UBA2: variants seen among roughly 807,000 people sequenced by gnomAD.
UBA2 encodes SUMO-activating enzyme subunit 2.
In UBA2, 11 loss-of-function variants were observed where a neutral mutation model predicts 77.2. That is an observed-to-expected ratio of 0.14 (90% CI 0.09 to 0.24). The LOEUF is 0.24. Ranked by LOEUF, UBA2 falls within the 10% of genes least tolerant of loss-of-function variation. The probability of loss-of-function intolerance (pLI) is 1.00; values close to 1 mark genes in which losing one functional copy is unlikely to be tolerated. For synonymous variants in UBA2, 278 were observed against 276.7 expected, an observed-to-expected ratio of 1.00 and a Z score of -0.05; for missense variants, 487 against 781.7, an observed-to-expected ratio of 0.62 and a Z score of 4.50.
chr19:34,449,620 C>T (rs1348452303), intron 8 of UBA2, among the ~76,000 whole-genome samples: 1 of 152,078 alleles, frequency 6.6e-6, no homozygotes, highest in Non-Finnish European at 1.5e-5. Context: ...ATATTAAAAT[C>T]ACTTGAAGTT....
At chr19:34,434,528 A>G (rs2075289423) in intron 4 of UBA2, among the ~76,000 whole-genome samples, 1 of 152,206 alleles carries the variant, frequency 6.6e-6, no homozygotes. Flanking sequence ...ATTATCTGCT[A>G]GTTATATTAG....
Position 34,457,166 on chromosome 19 carries a change from T to TAAAAA in UBA2, c.1246-1593_1246-1589dup, listed in dbSNP as rs569078000. On this transcript the variant is annotated intron_variant, in intron 12 of 16. Transcript: ENST00000246548. ...TAACGTGGAGAAACCTGGTCTCTACTAAAAAAAAAAAAAATATATATATAT... is the reference window on the plus strand; with the variant it reads ...TAACGTGGAGAAACCTGGTCTCTACTAAAAAAAAAAAAAAAAAAATATATATATAT... Among the ~76,000 whole-genome samples, 199 of 51,024 alleles carry TAAAAA rather than the reference T, an allele frequency of 3.9e-3. 2 individuals carry two copies. Among genetic ancestry groups the TAAAAA allele is most frequent in the South Asian group, 8.5e-3 (7 of 822 alleles). The allele number at this position is 51,024 out of a possible 152,430, so 33.5% of individuals were successfully genotyped here.
At chr19:34,454,620 T>A in intron 12 of UBA2, 64 bp downstream of exon 12, 1 of 776,920 alleles carries the variant, frequency 1.3e-6, no homozygotes, top group Non-Finnish European at 2.0e-6. Context: ...TAAAAGTACA[T>A]TAAACAGATA....
intron 7 of UBA2, 31 bp from the exon 8 acceptor site, chr19:34,444,969 G>A (rs1415751018): frequency 6.9e-6 from 11 of 1,598,210 alleles, no homozygotes; most frequent in Admixed American, 3.6e-5. Flanking sequence ...CATTTATTAC[G>A]GTTGAAAATA....
chr19:34,443,033 AAG>A (rs1430660141), intron 6 of UBA2, among the ~76,000 whole-genome samples: 2 of 152,230 alleles, frequency 1.3e-5, no homozygotes, highest in East Asian at 1.9e-4. Flanking sequence ...TTATTAATAA[AAG>A]AGAATCTCAG....
chr19:34,438,680 G>A lies in UBA2; in HGVS notation c.495G>A (p.Pro165=), dbSNP rs772883163. ...AGTGTTATGAGTGTCATCCTAAGCC[G>A]ACCCAGAGAACCTTTCCTGGCTGTA... ...VTECYECHPK[P]TQRTFPGCTI... Residue 165 remains proline (P), a synonymous_variant, in exon 6 of 17, where the codon CCG becomes CCA. Coordinates refer to ENST00000246548, the MANE Select transcript of UBA2 (RefSeq NM_005499.3). 8.7e-6 allele frequency: 14 copies of A among 1,614,044 alleles called. No individual in the cohort carries two copies. The highest frequency in any genetic ancestry group is 6.7e-5 in the East Asian group (3 of 44,880).
chr19:34,451,541 T>G lies in UBA2; in HGVS notation c.872-440T>G, dbSNP rs866782586. Among the ~76,000 whole-genome samples, 140 of 118,464 alleles carry G rather than the reference T, an allele frequency of 1.2e-3. 1 individual carries two copies. The highest frequency in any genetic ancestry group is 0.011 in the Middle Eastern group (3 of 266). 77.7% of individuals were successfully genotyped at this position (118,464 alleles called of 152,430 possible). A position where few individuals can be genotyped will look rare whatever the true frequency, so the allele number is the denominator to read the frequency against. On this transcript the variant is annotated intron_variant, in intron 9 of 16. Transcript: ENST00000246548. ...TTCCTATCTCAGGTTTAACAGTTTT[T>G]TTTTTTTTTTTTTTTTTTTTTTTTG...
chr19:34,456,100 C>CTTTTTTTT (rs869118014), intron 12 of UBA2, among the ~76,000 whole-genome samples: 624 of 55,764 alleles, frequency 0.011, 113 homozygotes, highest in Non-Finnish European at 0.014. Context: ...TTTTCCTTTT[C>CTTTTTTTT]TTTTTCTTTT....
At chr19:34,444,828 C>A (rs918471396) in intron 7 of UBA2, among the ~76,000 whole-genome samples, 172 bp from the exon 8 acceptor site, 45 of 152,054 alleles carry the variant, frequency 3.0e-4, no homozygotes, top group African/African-American at 1.1e-3. Context: ...AAGAAAGAAA[C>A]TGGGATACAA....
chr19:34,462,828 G>A (rs951076662), intron 14 of UBA2, among the ~76,000 whole-genome samples: 5 of 151,992 alleles, frequency 3.3e-5, no homozygotes, highest in African/African-American at 4.8e-5. Context: ...TAGGCCGGGC[G>A]TTGTAGCTGT....
chr19:34,441,754 C>T (rs773023245), intron 6 of UBA2, among the ~76,000 whole-genome samples: 1 of 151,822 alleles, frequency 6.6e-6, no homozygotes, highest in Admixed American at 6.6e-5. Flanking sequence ...AACCCTGTCT[C>T]TACTAAAAAT....
At position 34,450,210 on chromosome 19, in the gene UBA2, G is replaced by A; in HGVS notation, c.772-55G>A. ...TATAGATCAGCAATGACGTTTTCTT[G>A]TATCTTATCAATTAGGGATTATGGG... On this transcript the variant is annotated intron_variant, in intron 8 of 16. Transcript: ENST00000246548. 2.4e-6 allele frequency: 3 copies of A among 1,257,880 alleles called. No homozygotes were observed. In the South Asian group the frequency reaches 3.8e-5, roughly 16 times the overall value. 77.9% of individuals were successfully genotyped at this position (1,257,880 alleles called of 1,614,324 possible).
chr19:34,461,022 C>G (rs1254911608), intron 14 of UBA2, among the ~76,000 whole-genome samples: 3 of 152,170 alleles, frequency 2.0e-5, no homozygotes, highest in African/African-American at 4.8e-5. Flanking sequence ...CAGTTCATCC[C>G]TTTTGCTAAC....
chr19:34,443,801 A>G (rs2075396076), intron 6 of UBA2, 43 bp from the exon 7 acceptor site: 1 of 1,214,456 alleles, frequency 8.2e-7, no homozygotes, highest in African/African-American at 1.5e-5. Context: ...GTTTGTTTAG[A>G]ATGCTTTGTT....
intron 12 of UBA2, among the ~76,000 whole-genome samples, chr19:34,457,655 T>TA (rs748253801): frequency 4.6e-5 from 7 of 152,196 alleles, no homozygotes; most frequent in Non-Finnish European, 7.3e-5. Flanking sequence ...TTGAGGGATT[T>TA]AGTTCTGTAT....
At chr19:34,436,499 A>G (rs1293339182) in intron 5 of UBA2, among the ~76,000 whole-genome samples, 4 of 151,996 alleles carry the variant, frequency 2.6e-5, no homozygotes, top group Non-Finnish European at 5.9e-5. Context: ...GGGTTTCTCT[A>G]TGTTGGTCAG....
intron 3 of UBA2, among the ~76,000 whole-genome samples, chr19:34,432,767 C>G (rs528050913): frequency 6.6e-6 from 1 of 152,308 alleles, no homozygotes; most frequent in East Asian, 1.9e-4. Context: ...GTTGGCCAGG[C>G]TGGTCTCAAA....
chr19:34,438,206 C>T (rs1224481755), intron 5 of UBA2, among the ~76,000 whole-genome samples: 1 of 133,514 alleles, frequency 7.5e-6, no homozygotes. Flanking sequence ...TCCCCAGACC[C>T]ACTTAGTTTT....
chr19:34,428,519 C>T lies in UBA2; in HGVS notation c.87C>T (p.Gly29=). 1 of 1,305,068 alleles carries T rather than the reference C, an allele frequency of 7.7e-7. No individual in the cohort carries two copies. The allele number at this position is 1,305,068 out of a possible 1,614,324, so 80.8% of individuals were successfully genotyped here. Residue 29 remains glycine, a synonymous_variant, in exon 1 of 17, where the codon GGC becomes GGT. Coordinates refer to ENST00000246548, the MANE Select transcript of UBA2 (RefSeq NM_005499.3). ...TGGTGGTGGGGGCGGGCGGCATCGG[C>T]TGCGAGCTCCTCAAGAATCTCGTGC... The part of the protein sequence containing the change: ...RVLVVGAGGI[G]CELLKNLVLT...
Sources: gnomAD v4.1 joint callset for allele counts (sites outside exome capture counted in the v4.1 genomes callset) on GRCh38, gnomAD v4.1.1 for gene constraint, MANE v1.5 for transcripts, NCBI Gene and HGNC (gene_info 2026-07-23, HGNC 2026-07-21) for gene names.